The following CUX1 variants were observed in gnomAD, a reference collection of about 807,000 sequenced individuals.
CUX1 encodes protein CASP.
CUX1 carries 31 observed loss-of-function variants against 158.8 expected under a neutral mutation model. That is an observed-to-expected ratio of 0.20 (90% CI 0.15 to 0.26). CUX1 has a LOEUF of 0.26. Ranked by LOEUF, CUX1 falls within the 10% of genes least tolerant of loss-of-function variation. The pLI is 1.00. For missense variants in CUX1, 1,589 were observed against 2,014.6 expected, an observed-to-expected ratio of 0.79 and a Z score of 4.04; for synonymous variants, 879 against 862.1, an observed-to-expected ratio of 1.02 and a Z score of -0.34.
intron 2 of CUX1, among the ~76,000 whole-genome samples, chr7:101,999,206 CTTTTTTTTACCT>C (rs1816366145): frequency 9.2e-6 from 1 of 108,734 alleles, no homozygotes; most frequent in Non-Finnish European, 1.9e-5. Flanking sequence ...CCTTTACAAA[CTTTTTTTTACCT>C]TTTTTTTTTT....
intron 5 of CUX1, among the ~76,000 whole-genome samples, chr7:102,104,055 T>TC (rs1361338513): frequency 1.3e-5 from 2 of 152,038 alleles, no homozygotes; most frequent in African/African-American, 2.4e-5. Context: ...GATTTCCATC[T>TC]CCCCCCACCC....
At chr7:102,229,750 TG>T (rs1554530027) in intron 21 of CUX1, among the ~76,000 whole-genome samples, 1 of 151,574 alleles carries the variant, frequency 6.6e-6, no homozygotes, top group East Asian at 1.9e-4. Flanking sequence ...CCCAAGTAGC[TG>T]GGATTACAGG....
At chr7:102,236,467 A>T (rs1357727085) in intron 22 of CUX1, among the ~76,000 whole-genome samples, 1 of 152,156 alleles carries the variant, frequency 6.6e-6, no homozygotes, top group Admixed American at 6.5e-5. Flanking sequence ...TGTTTTTTAA[A>T]GTCTCGCTAT....
chr7:102,242,227 T>TC (rs1800310995), intron 23 of CUX1, among the ~76,000 whole-genome samples: 1 of 106,242 alleles, frequency 9.4e-6, no homozygotes, highest in Non-Finnish European at 2.0e-5. Flanking sequence ...TTTTTTTTTT[T>TC]CTGAGACAGA....
At chr7:102,027,312 G>T (rs1820158617) in intron 2 of CUX1, among the ~76,000 whole-genome samples, 1 of 152,158 alleles carries the variant, frequency 6.6e-6, no homozygotes, top group Non-Finnish European at 1.5e-5. Flanking sequence ...GGCAGAGGTT[G>T]CAGTGAGCTG....
chr7:102,161,804 C>T (rs534887816), intron 9 of CUX1, among the ~76,000 whole-genome samples: 2 of 152,102 alleles, frequency 1.3e-5, no homozygotes, highest in Non-Finnish European at 2.9e-5. Context: ...GACGGGGTTT[C>T]ACCGTGTTGG....
At chr7:101,903,050 G>A (rs796945699) in intron 1 of CUX1, among the ~76,000 whole-genome samples, 1 of 152,222 alleles carries the variant, frequency 6.6e-6, no homozygotes, top group African/African-American at 2.4e-5. Context: ...TGTTTCAGTG[G>A]TGAGTCACAT....
chr7:102,037,053 G>T (rs1379069909), intron 3 of CUX1, among the ~76,000 whole-genome samples: 1 of 152,208 alleles, frequency 6.6e-6, no homozygotes, highest in Non-Finnish European at 1.5e-5. Context: ...TTAGCTGGGT[G>T]TGATGGCACA....
At chr7:101,931,040 G>A (rs1268031854) in intron 2 of CUX1, among the ~76,000 whole-genome samples, 1 of 152,200 alleles carries the variant, frequency 6.6e-6, no homozygotes, top group East Asian at 1.9e-4. Context: ...AGATTGCAGT[G>A]AGCCGAGATC....
At position 102,255,768 on chromosome 7, in the gene CUX1, G is replaced by C; in HGVS notation, c.*6726G>C. The C allele has an allele frequency of 1.0e-6, 1 of 985,420 alleles. No homozygotes were observed. The allele number at this position is 985,420 out of a possible 1,614,324, so 61.0% of individuals were successfully genotyped here. On this transcript the variant is annotated 3_prime_UTR_variant, in exon 24 of 24. Coordinates refer to ENST00000292535, the MANE Select transcript of CUX1 (RefSeq NM_181552.4). ...AGACCATTCAGCAAGACACATTGAA[G>C]TGGCACGGAGCTGCTTTTGTTTTAT...
At position 102,249,642 on chromosome 7, in the gene CUX1, A is replaced by T. The variant is rs930170582; in HGVS notation, c.*600A>T. ...TGCCATCTAATGGCTTCAGAGCGAT[A>T]ATACACTATTATCTTCTTAAACCAG... On this transcript the variant is annotated 3_prime_UTR_variant, in exon 24 of 24. Coordinates refer to ENST00000292535, the MANE Select transcript of CUX1 (RefSeq NM_181552.4). 3.8e-5 allele frequency: 37 copies of T among 985,662 alleles called. No individual in the cohort carries two copies. The highest frequency in any genetic ancestry group is 4.2e-5 in the Non-Finnish European group (35 of 829,908). 61.1% of individuals were successfully genotyped at this position (985,662 alleles called of 1,614,324 possible).
intron 3 of CUX1, among the ~76,000 whole-genome samples, chr7:102,055,583 T>C (rs1390571682): frequency 6.6e-6 from 1 of 152,200 alleles, no homozygotes; most frequent in Admixed American, 6.5e-5. Context: ...TTGATAAATA[T>C]TGTGTGTGTT....
At chr7:101,857,649 G>A (rs745949130) in intron 1 of CUX1, among the ~76,000 whole-genome samples, 13 of 152,206 alleles carry the variant, frequency 8.5e-5, no homozygotes, top group Non-Finnish European at 1.3e-4. Context: ...TGGCTGGGTC[G>A]GATGACCCCC....
intron 2 of CUX1, among the ~76,000 whole-genome samples, chr7:102,007,703 C>A (rs1197885679): frequency 2.0e-5 from 3 of 151,412 alleles, no homozygotes; most frequent in African/African-American, 4.9e-5. Flanking sequence ...CTCCTCCCCC[C>A]TCCCTCGCCA....
At chr7:101,953,109 G>C in intron 2 of CUX1, among the ~76,000 whole-genome samples, 1 of 152,326 alleles carries the variant, frequency 6.6e-6, no homozygotes. Context: ...GCCCGCTGGG[G>C]TTCCTGATTC....
In CUX1 at chr7:102,151,852, C is replaced by G. The variant is rs143762111; in HGVS notation, c.675-6708C>G. On this transcript the variant is annotated intron_variant, in intron 8 of 23. Coordinates refer to ENST00000292535, the MANE Select transcript of CUX1 (RefSeq NM_181552.4). ...ACTCACATCTTCCAAAGCCCCCGAT[C>G]GCACTTACTCAGCTAGTTGTATTTT... is the stretch of plus-strand genomic sequence containing the variant. 3.1e-3 allele frequency among the ~76,000 whole-genome samples: 474 copies of G among 150,822 alleles called. 3 individuals carry two copies. The highest frequency in any genetic ancestry group is 0.011 in the African/African-American group (460 of 40,772).
At chr7:102,194,907 C>G (rs575432742) in intron 13 of CUX1, among the ~76,000 whole-genome samples, 2 of 152,046 alleles carry the variant, frequency 1.3e-5, no homozygotes, top group East Asian at 3.9e-4. Flanking sequence ...GTCTGTAATC[C>G]CAGCTACTTG....
At chr7:102,283,284 C>G (rs1391058135) in exon 23 of CUX1, 3 of 598,440 alleles carry the variant, frequency 5.0e-6, no homozygotes, top group Non-Finnish European at 9.2e-6. Context: ...CCCGCTAGGT[C>G]CAGAGAGCGA....
At chr7:101,881,825 A>G (rs1799739557) in intron 1 of CUX1, among the ~76,000 whole-genome samples, 1 of 152,138 alleles carries the variant, frequency 6.6e-6, no homozygotes, top group Admixed American at 6.5e-5. Context: ...GAGTGGAAAA[A>G]TGCTATTGGT....
Sources: allele counts gnomAD v4.1 joint callset (sites outside exome capture counted in the v4.1 genomes callset), GRCh38; gene constraint gnomAD v4.1.1; transcripts MANE v1.5; gene names NCBI Gene and HGNC (gene_info 2026-07-23, HGNC 2026-07-21).